Variants in ERAP1 observed in about 807,000 individuals in gnomAD.
ERAP1 encodes adipocyte-derived leucine aminopeptidase.
A neutral mutation model predicts 103.7 loss-of-function variants in ERAP1; 86 were observed. The observed-to-expected ratio is 0.83, with a 90% CI of 0.70 to 0.99. The LOEUF (loss-of-function observed/expected upper bound fraction) is 0.99, where lower values mean the gene tolerates loss of function less well. Ranked by LOEUF, ERAP1 falls within the 50% of genes least tolerant of loss-of-function variation. ERAP1 has a pLI of 0.00. For missense variants in ERAP1, 1,009 were observed against 1,128.4 expected, an observed-to-expected ratio of 0.89 and a Z score of 1.52; for synonymous variants, 398 against 402.4, an observed-to-expected ratio of 0.99 and a Z score of 0.13.
At chr5:96,822,629 A>C in the ERAP1 span, among the ~76,000 whole-genome samples, 2 of 152,122 alleles carry the variant, frequency 1.3e-5, no homozygotes, top group Admixed American at 6.5e-5. Flanking sequence ...TAATTTCAGC[A>C]CTTTGGGAGG....
chr5:96,885,255 G>T, the ERAP1 span, among the ~76,000 whole-genome samples: 1 of 152,100 alleles, frequency 6.6e-6, no homozygotes, highest in Non-Finnish European at 1.5e-5. Flanking sequence ...GCTGAGTTTG[G>T]TCAGAAGACC....
chr5:96,931,367 C>T, the ERAP1 span, among the ~76,000 whole-genome samples: 3 of 152,090 alleles, frequency 2.0e-5, no homozygotes, highest in Non-Finnish European at 2.9e-5. Flanking sequence ...GTGGGGTACA[C>T]GTTGGTCTTG....
chr5:96,833,783 C>A, the ERAP1 span, among the ~76,000 whole-genome samples: 2 of 131,898 alleles, frequency 1.5e-5, no homozygotes, highest in Non-Finnish European at 1.6e-5. Flanking sequence ...GGCGACAGAG[C>A]AAGGCTCGGA....
chr5:96,915,096 C>T, the ERAP1 span, among the ~76,000 whole-genome samples: 1 of 152,030 alleles, frequency 6.6e-6, no homozygotes, highest in Non-Finnish European at 1.5e-5. Context: ...CAACCTCCAC[C>T]TCCCGGGTTC....
chr5:96,897,798 C>A, the ERAP1 span, among the ~76,000 whole-genome samples: 1 of 152,092 alleles, frequency 6.6e-6, no homozygotes, highest in Non-Finnish European at 1.5e-5. Flanking sequence ...TTAGAAGAAC[C>A]CTAAGTCATT....
At chr5:96,875,831 G>T in the ERAP1 span, 4 of 152,300 alleles carry the variant, frequency 2.6e-5, no homozygotes, top group Admixed American at 2.0e-4. Context: ...GATGAATGGG[G>T]ATAAATGCTA....
At position 96,797,233 on chromosome 5, in the gene ERAP1, AC is replaced by A. The variant is rs758976962; in HGVS notation, c.739del (p.Val247TrpfsTer14). ...CTCAAAATCTGAAATGATGAAGGCC[AC>A]CAGATAGGTGCTCATCTTCACAGTG... ...DVTVKMSTYL[V>X]AFIISDFESV... On this transcript the variant is annotated frameshift_variant, in exon 4 of 19. Coordinates refer to ENST00000443439, the MANE Select transcript of ERAP1 (RefSeq NM_001040458.3). LOFTEE classifies it high-confidence loss of function. 4 of 1,614,200 alleles carry A rather than the reference AC, an allele frequency of 2.5e-6. No individual in the cohort carries two copies. The highest frequency in any genetic ancestry group is 3.4e-6 in the Non-Finnish European group (4 of 1,180,032).
At chr5:96,845,193 C>A in the ERAP1 span, among the ~76,000 whole-genome samples, 1,858 of 152,008 alleles carry the variant, frequency 0.012, 45 homozygotes, top group African/African-American at 0.042. Context: ...AAATTACAAT[C>A]ATTTGTTCAA....
At chr5:96,815,412 T>TTG in the ERAP1 span, among the ~76,000 whole-genome samples, 2,902 of 118,168 alleles carry the variant, frequency 0.025, 113 homozygotes, top group African/African-American at 0.084. Context: ...GTTTTGTTTT[T>TTG]TATTTTTTTT....
At chr5:96,865,970 G>A in the ERAP1 span, among the ~76,000 whole-genome samples, 1 of 152,156 alleles carries the variant, frequency 6.6e-6, no homozygotes. Flanking sequence ...CTCTACGCAT[G>A]TATGTTCTAT....
chr5:96,871,714 G>A, the ERAP1 span, among the ~76,000 whole-genome samples: 1 of 152,120 alleles, frequency 6.6e-6, no homozygotes, highest in South Asian at 2.1e-4. Context: ...TCAATGTCAA[G>A]TTTGTCTAAT....
intron 11 of ERAP1, chr5:96,786,853 G>C: frequency 2.9e-6 from 1 of 345,796 alleles, no homozygotes; most frequent in East Asian, 6.2e-5. Context: ...GGACTCATGT[G>C]CCTCCTGAAT....
the ERAP1 span, among the ~76,000 whole-genome samples, chr5:96,862,281 G>T: frequency 6.6e-6 from 1 of 152,146 alleles, no homozygotes; most frequent in East Asian, 1.9e-4. Context: ...GAGCCACCCT[G>T]CCCAGTCTAA....
the ERAP1 span, among the ~76,000 whole-genome samples, chr5:96,908,382 A>G: frequency 7.2e-5 from 11 of 152,224 alleles, no homozygotes; most frequent in Non-Finnish European, 1.5e-4. Context: ...CACTAGAAGA[A>G]AACGTAGAGA....
the ERAP1 span, among the ~76,000 whole-genome samples, chr5:96,884,882 T>C: frequency 3.9e-5 from 6 of 152,218 alleles, no homozygotes; most frequent in Non-Finnish European, 8.8e-5. Context: ...CACTCACTGG[T>C]GACAATTGCC....
chr5:96,919,512 CAAT>C, the ERAP1 span: 8 of 152,186 alleles, frequency 5.3e-5, no homozygotes, highest in African/African-American at 1.7e-4. Context: ...GTACCATCAA[CAAT>C]GTTTCCATAA....
the ERAP1 span, among the ~76,000 whole-genome samples, chr5:96,913,915 T>C: frequency 6.6e-6 from 1 of 152,166 alleles, no homozygotes; most frequent in Admixed American, 6.5e-5. Context: ...GGTGGCACAG[T>C]GGAGACCTTG....
chr5:96,908,914 A>G, the ERAP1 span: 5 of 1,542,632 alleles, frequency 3.2e-6, no homozygotes, highest in Non-Finnish European at 4.4e-6. Context: ...AAAATATTAA[A>G]AACTATAAGA....
Position 96,790,604 on chromosome 5 carries a change from C to T in ERAP1, c.1360G>A (p.Ala454Thr), listed in dbSNP as rs549636751. 7.9e-5 allele frequency: 128 copies of T among 1,610,766 alleles called. No homozygotes were observed. Among genetic ancestry groups the T allele is most frequent in the Non-Finnish European group, 9.9e-5 (116 of 1,176,924 alleles). Reference protein sequence around the residue: ...ILNMLREYLSADAFKSGIVQY... With the variant: ...ILNMLREYLSTDAFKSGIVQY... ...ACAATACCACTTTTAAATGCGTCAGCACTAAGATACTCCCTTAGCATATTC... is the reference window on the plus strand; with the variant it reads ...ACAATACCACTTTTAAATGCGTCAGTACTAAGATACTCCCTTAGCATATTC... The change falls in exon 9 of 19, where the codon GCT (alanine) becomes ACT (threonine). Residue 454 changes from alanine (A) to threonine (T), a missense_variant. Transcript: ENST00000443439.
Sources: allele counts gnomAD v4.1 joint callset (sites outside exome capture counted in the v4.1 genomes callset), GRCh38; gene constraint gnomAD v4.1.1; transcripts MANE v1.5; gene names NCBI Gene and HGNC (gene_info 2026-07-23, HGNC 2026-07-21).